The following PABPC4L variants were observed in gnomAD, a reference collection of about 807,000 sequenced individuals.
PABPC4L encodes polyadenylate-binding protein 4-like.
For synonymous variants in PABPC4L, 169 were observed against 164.1 expected (o/e 1.03, Z -0.23); for missense variants, 452 against 451.4 (o/e 1.00, Z -0.01).
chr4:134,101,320 A>G, the PABPC4L span, among the ~76,000 whole-genome samples: 1 of 151,554 alleles, frequency 6.6e-6, no homozygotes, highest in Non-Finnish European at 1.5e-5. Flanking sequence ...ATAATATCAG[A>G]GAATACTCAG....
At chr4:134,195,122 A>G (rs1408865566), downstream of PABPC4L, among the ~76,000 whole-genome samples, 2 of 151,762 alleles carry the variant, frequency 1.3e-5, no homozygotes, top group Non-Finnish European at 3.0e-5. Context: ...CTAGGCTTCT[A>G]ATGCTTCCTA....
the PABPC4L span, among the ~76,000 whole-genome samples, chr4:134,129,001 C>T: frequency 6.6e-6 from 1 of 152,026 alleles, no homozygotes; most frequent in Non-Finnish European, 1.5e-5. Flanking sequence ...CGCAAAGGGG[C>T]ACCTAAACAG....
At chr4:134,183,952 GTTGA>G in the PABPC4L span, among the ~76,000 whole-genome samples, 11 of 151,558 alleles carry the variant, frequency 7.3e-5, no homozygotes, top group African/African-American at 2.4e-4. Context: ...AACTTAACAA[GTTGA>G]TTGAGTGCGA....
In PABPC4L at chr4:134,201,052, T is replaced by G; in HGVS notation, c.-33A>C. On this transcript the variant is annotated 5_prime_UTR_variant, in exon 2 of 2. Coordinates refer to ENST00000421491, the MANE Select transcript of PABPC4L (RefSeq NM_001114734.2). ...TCCTTGCCACTGTGAGTTTGTCCCC[T>G]GGAGTTCTTTGAGCAATCCCTGTGG... The G allele has an allele frequency of 6.4e-7, 1 of 1,551,592 alleles. No individual in the cohort carries two copies. Among genetic ancestry groups the G allele is most frequent in the Non-Finnish European group, 8.7e-7 (1 of 1,146,948 alleles).
chr4:134,139,153 C>G, the PABPC4L span, among the ~76,000 whole-genome samples: 1 of 151,904 alleles, frequency 6.6e-6, no homozygotes, highest in African/African-American at 2.4e-5. Flanking sequence ...GCTAACTGTC[C>G]AATATTTAGT....
chr4:133,974,971 T>C, the PABPC4L span, among the ~76,000 whole-genome samples: 1 of 152,156 alleles, frequency 6.6e-6, no homozygotes, highest in African/African-American at 2.4e-5. Context: ...AGACTTATCA[T>C]ATGATCTAGC....
At position 134,200,174 on chromosome 4, in the gene PABPC4L, C is replaced by G; in HGVS notation, c.846G>C (p.Leu282=). ...QAELKQMFEQ[L]KRERIRGCQG... ...GGCACCCACGAATTCGTTCCCTTTT[C>G]AGCTGCTCAAACATTTGCTTTAACT... Residue 282 remains leucine, a synonymous_variant, in exon 2 of 2, where the codon CTG becomes CTC. Coordinates refer to ENST00000421491, the MANE Select transcript of PABPC4L (RefSeq NM_001114734.2). 5 of 1,551,674 alleles carry G rather than the reference C, an allele frequency of 3.2e-6. No individual in the cohort carries two copies. Among genetic ancestry groups the G allele is most frequent in the Non-Finnish European group, 4.4e-6 (5 of 1,146,976 alleles).
At chr4:134,122,344 AT>A in the PABPC4L span, among the ~76,000 whole-genome samples, 2 of 151,954 alleles carry the variant, frequency 1.3e-5, no homozygotes, top group Non-Finnish European at 2.9e-5. Context: ...TCTCATAAGC[AT>A]TTTTTTAAGT....
chr4:133,964,355 G>A, the PABPC4L span, among the ~76,000 whole-genome samples: 1 of 151,364 alleles, frequency 6.6e-6, no homozygotes, highest in African/African-American at 2.4e-5. Context: ...AAATAGTCCA[G>A]GACCAGATGG....
chr4:133,960,443 C>T, the PABPC4L span, among the ~76,000 whole-genome samples: 1 of 152,136 alleles, frequency 6.6e-6, no homozygotes, highest in Non-Finnish European at 1.5e-5. Flanking sequence ...TCAAGCAGGC[C>T]ATTCCTGCCT....
At chr4:133,953,294 A>G in the PABPC4L span, among the ~76,000 whole-genome samples, 3 of 151,992 alleles carry the variant, frequency 2.0e-5, no homozygotes, top group Non-Finnish European at 2.9e-5. Context: ...GATTTAAACT[A>G]TTTCTAACTA....
chr4:134,147,748 TG>T, the PABPC4L span, among the ~76,000 whole-genome samples: 8 of 71,006 alleles, frequency 1.1e-4, no homozygotes, highest in South Asian at 1.6e-3. Context: ...TGTGTGTGTG[TG>T]TGTTGTTGTT....
the PABPC4L span, among the ~76,000 whole-genome samples, chr4:134,123,517 T>C: frequency 1.3e-5 from 2 of 152,182 alleles, no homozygotes; most frequent in African/African-American, 2.4e-5. Context: ...GAAAGTGCCA[T>C]GAGCATCGAT....
chr4:134,069,506 T>C, the PABPC4L span, among the ~76,000 whole-genome samples: 2 of 152,006 alleles, frequency 1.3e-5, no homozygotes, highest in Non-Finnish European at 2.9e-5. Context: ...TTTTGGAGAG[T>C]ATTTGTTCTT....
At chr4:134,000,683 A>G in the PABPC4L span, among the ~76,000 whole-genome samples, 1 of 152,140 alleles carries the variant, frequency 6.6e-6, no homozygotes, top group African/African-American at 2.4e-5. Context: ...TGCCTTCCTC[A>G]ATATGAGTGG....
chr4:133,956,838 G>A, the PABPC4L span, among the ~76,000 whole-genome samples: 24 of 152,082 alleles, frequency 1.6e-4, no homozygotes, highest in Non-Finnish European at 7.3e-5. Context: ...GCAAAGCAGG[G>A]GAAAGCCCAT....
At chr4:134,028,143 G>C in the PABPC4L span, among the ~76,000 whole-genome samples, 3 of 152,204 alleles carry the variant, frequency 2.0e-5, no homozygotes, top group East Asian at 5.8e-4. Context: ...CTCTGAATCA[G>C]AAACTCTAGA....
At chr4:134,007,352 T>C in the PABPC4L span, among the ~76,000 whole-genome samples, 1 of 151,632 alleles carries the variant, frequency 6.6e-6, no homozygotes, top group African/African-American at 2.4e-5. Context: ...AAAAAAAAAA[T>C]GACACTTATG....
the PABPC4L span, among the ~76,000 whole-genome samples, chr4:134,077,889 A>G: frequency 4.6e-5 from 7 of 152,190 alleles, no homozygotes; most frequent in Non-Finnish European, 1.0e-4. Context: ...TTAAATATTT[A>G]TCTTTAACTA....
Sources: allele counts gnomAD v4.1 joint callset (sites outside exome capture counted in the v4.1 genomes callset), GRCh38; gene constraint gnomAD v4.1.1; transcripts MANE v1.5; gene names NCBI Gene and HGNC (gene_info 2026-07-23, HGNC 2026-07-21).